KCNB2: variants seen among roughly 807,000 people sequenced by gnomAD.
The protein encoded by KCNB2 is delayed rectifier potassium channel protein.
KCNB2 carries 15 observed loss-of-function variants against 61.5 expected under a neutral mutation model. That is an observed-to-expected ratio of 0.24 (90% CI 0.16 to 0.38). KCNB2 has a LOEUF of 0.38. KCNB2 is among the 10% of genes least tolerant of loss of function. The probability of loss-of-function intolerance (pLI) is 1.00; values close to 1 mark genes in which losing one functional copy is unlikely to be tolerated. For synonymous variants in KCNB2, 457 were observed against 446.0 expected (o/e 1.02, Z -0.31); for missense variants, 828 against 1,125.2 (o/e 0.74, Z 3.78).
intron 2 of KCNB2, among the ~76,000 whole-genome samples, chr8:72,654,250 A>G (rs1242454512): frequency 6.6e-6 from 1 of 152,160 alleles, no homozygotes; most frequent in Non-Finnish European, 1.5e-5. Context: ...AAACCTAGAT[A>G]CCTCACTGGG....
Position 72,707,516 on chromosome 8 carries a change from G to A in KCNB2, c.579+139203G>A, listed in dbSNP as rs150259810. On this transcript the variant is annotated intron_variant, in intron 2 of 2. Transcript: ENST00000523207. Reference sequence around the variant, plus strand: ...CTCAAATGGAACAAAAGGAGGCATGGTGTGTCAGTGATATGAGCTAGACAG... The same window carrying A: ...CTCAAATGGAACAAAAGGAGGCATGATGTGTCAGTGATATGAGCTAGACAG... Among the ~76,000 whole-genome samples the A allele has an allele frequency of 5.5e-3, 832 of 152,204 alleles. 8 individuals are homozygous for A. The highest frequency in any genetic ancestry group is 0.019 in the African/African-American group (771 of 41,536).
rs936300063 is a variant in KCNB2, at chr8:72,850,411, G to T, written c.580-85524G>T. Among the ~76,000 whole-genome samples the T allele has an allele frequency of 1.3e-5, 2 of 152,028 alleles. 1 individual carries two copies. On this transcript the variant is annotated intron_variant, in intron 2 of 2. Transcript: ENST00000523207. Reference sequence around the variant, plus strand: ...AGTTTTTGTATTTTTTGTAGAGATGGGGTTTCACCATGTTGCCCAGGCTGG... The same window carrying T: ...AGTTTTTGTATTTTTTGTAGAGATGTGGTTTCACCATGTTGCCCAGGCTGG...
chr8:72,843,234 A>G (rs768046662), intron 2 of KCNB2, among the ~76,000 whole-genome samples: 3 of 152,172 alleles, frequency 2.0e-5, no homozygotes, highest in Non-Finnish European at 4.4e-5. Context: ...GTTTCCATGT[A>G]GCTGTGAGCT....
At chr8:72,580,643 A>G (rs1806876810) in intron 2 of KCNB2, among the ~76,000 whole-genome samples, 2 of 152,142 alleles carry the variant, frequency 1.3e-5, no homozygotes, top group Admixed American at 6.5e-5. Context: ...TCCTATTTAC[A>G]ACCATGGAGC....
intron 2 of KCNB2, chr8:72,751,350 G>A (rs1178610991): frequency 6.6e-6 from 1 of 152,032 alleles, no homozygotes. Context: ...CTTATGCATG[G>A]ATATTAATAT....
chr8:72,624,689 G>A (rs981772294), intron 2 of KCNB2, among the ~76,000 whole-genome samples: 2 of 152,220 alleles, frequency 1.3e-5, no homozygotes, highest in African/African-American at 4.8e-5. Context: ...TAGGCAGATT[G>A]ATATGGCGGT....
chr8:72,835,175 A>G (rs1809761286), intron 2 of KCNB2, among the ~76,000 whole-genome samples: 1 of 152,220 alleles, frequency 6.6e-6, no homozygotes, highest in Non-Finnish European at 1.5e-5. Context: ...TCAGATCCTG[A>G]GGATGTTCCT....
intron 2 of KCNB2, among the ~76,000 whole-genome samples, chr8:72,828,553 A>C (rs1809637989): frequency 6.6e-6 from 1 of 152,182 alleles, no homozygotes; most frequent in African/African-American, 2.4e-5. Context: ...CCAATTTGAA[A>C]ACCCTGGACA....
chr8:72,584,321 C>T lies in KCNB2; in HGVS notation c.579+16008C>T, dbSNP rs539926004. On this transcript the variant is annotated intron_variant, in intron 2 of 2. Coordinates refer to ENST00000523207, the MANE Select transcript of KCNB2 (RefSeq NM_004770.3). ...ATGAAAGCGGGGAGAGTTAAAGTCT[C>T]GGAAATGCCCTGGACCCTGTTTGGC... Among the ~76,000 whole-genome samples the T allele has an allele frequency of 5.3e-5, 8 of 152,198 alleles. No individual in the cohort carries two copies. In the East Asian group the frequency reaches 1.4e-3, roughly 26 times the overall value.
chr8:72,685,027 G>T (rs181754030), intron 2 of KCNB2, among the ~76,000 whole-genome samples: 251 of 152,220 alleles, frequency 1.6e-3, no homozygotes, highest in Middle Eastern at 3.4e-3. Flanking sequence ...ATTTCACTAA[G>T]GCAAGGAAAA....
intron 2 of KCNB2, among the ~76,000 whole-genome samples, chr8:72,837,727 C>T (rs1585921892): frequency 6.6e-6 from 1 of 152,116 alleles, no homozygotes; most frequent in East Asian, 1.9e-4. Flanking sequence ...CCATAATAAT[C>T]AACCCCATAG....
At chr8:72,611,841 C>A (rs940116486) in intron 2 of KCNB2, among the ~76,000 whole-genome samples, 5 of 151,930 alleles carry the variant, frequency 3.3e-5, no homozygotes, top group Admixed American at 6.6e-5. Context: ...CCTTAAGAAA[C>A]CCATTTTTTT....
At chr8:72,600,351 AC>A (rs1807275457) in intron 2 of KCNB2, among the ~76,000 whole-genome samples, 1 of 152,100 alleles carries the variant, frequency 6.6e-6, no homozygotes, top group East Asian at 1.9e-4. Flanking sequence ...GGACAAAAAA[AC>A]AAACACTGCA....
rs756904919 is a variant in KCNB2 at position 72,937,981 on chromosome 8, A to G, written c.2626A>G (p.Lys876Glu). Reference protein sequence around the residue: ...DIYHAVSEVKKDSSQEGCKME... With the variant: ...DIYHAVSEVKEDSSQEGCKME... ...TTACCATGCTGTGAGTGAAGTCAAA[A>G]AGGACAGTAGTCAAGAAGGGTGCAA... The change falls in exon 3 of 3, where the codon AAG (lysine) becomes GAG (glutamate). Residue 876 changes from lysine to glutamate, a missense_variant. Lys to Glu is a moderately conservative substitution (Grantham distance 56). Coordinates refer to ENST00000523207, the MANE Select transcript of KCNB2 (RefSeq NM_004770.3). The G allele has an allele frequency of 1.1e-5, 18 of 1,614,054 alleles. No homozygotes were observed. The highest frequency in any genetic ancestry group is 1.5e-5 in the Non-Finnish European group (18 of 1,180,020).
intron 2 of KCNB2, among the ~76,000 whole-genome samples, chr8:72,651,368 A>T (rs552225737): frequency 6.6e-6 from 1 of 152,308 alleles, no homozygotes; most frequent in South Asian, 2.1e-4. Flanking sequence ...TGTCTTGGGA[A>T]TTCTTTCAAA....
chr8:72,540,998 G>GT (rs1243936853), intron 1 of KCNB2, among the ~76,000 whole-genome samples: 5 of 68,448 alleles, frequency 7.3e-5, no homozygotes, highest in African/African-American at 3.5e-4. Context: ...ATATTTTAGG[G>GT]GGAAAAAAAC....
At chr8:72,841,203 C>G (rs1585924345) in intron 2 of KCNB2, among the ~76,000 whole-genome samples, 1 of 152,008 alleles carries the variant, frequency 6.6e-6, no homozygotes, top group East Asian at 1.9e-4. Context: ...TGTCAAAGAT[C>G]AGATGGTTGT....
intron 2 of KCNB2, among the ~76,000 whole-genome samples, chr8:72,630,974 T>C (rs1805869240): frequency 6.6e-6 from 1 of 152,158 alleles, no homozygotes; most frequent in Non-Finnish European, 1.5e-5. Flanking sequence ...CCTGAAACTA[T>C]AGATAGTACT....
At chr8:72,834,443 C>T (rs1301642084) in intron 2 of KCNB2, among the ~76,000 whole-genome samples, 17 of 152,192 alleles carry the variant, frequency 1.1e-4, no homozygotes, top group African/African-American at 3.9e-4. Flanking sequence ...GAGCATCAGC[C>T]TTCACTTAAG....
Sources: allele counts gnomAD v4.1 joint callset (sites outside exome capture counted in the v4.1 genomes callset), GRCh38; gene constraint gnomAD v4.1.1; transcripts MANE v1.5; gene names NCBI Gene and HGNC (gene_info 2026-07-23, HGNC 2026-07-21).